AVEN: variants seen among roughly 807,000 people sequenced by gnomAD.
AVEN encodes the protein apoptosis and caspase activation inhibitor.
Under a neutral mutation model 38.1 loss-of-function variants are expected in AVEN, and 41 were observed. The observed-to-expected ratio is 1.08, with a 90% CI of 0.84 to 1.40. The LOEUF (loss-of-function observed/expected upper bound fraction) is 1.40. AVEN is among the 40% of genes most tolerant of loss of function. AVEN has a pLI of 0.00. For synonymous variants in AVEN, 206 were observed against 171.8 expected (o/e 1.20, Z -1.56); for missense variants, 605 against 438.8 (o/e 1.38, Z -3.38).
At chr15:34,010,416 A>G (rs1897587340) in intron 1 of AVEN, among the ~76,000 whole-genome samples, 1 of 152,214 alleles carries the variant, frequency 6.6e-6, no homozygotes, top group African/African-American at 2.4e-5. Context: ...AAATTTCAGA[A>G]GTTATTAATA....
At chr15:33,897,423 C>T (rs1404670300) in intron 2 of AVEN, among the ~76,000 whole-genome samples, 1 of 152,076 alleles carries the variant, frequency 6.6e-6, no homozygotes, top group East Asian at 2.0e-4. Context: ...TCAGCCTCCA[C>T]CATGCCTGGC....
intron 1 of AVEN, among the ~76,000 whole-genome samples, chr15:34,014,216 T>A (rs1180647145): frequency 6.6e-6 from 1 of 151,646 alleles, no homozygotes; most frequent in Non-Finnish European, 1.5e-5. Flanking sequence ...TATGAAAAAT[T>A]AGCCAGGCGT....
intron 2 of AVEN, among the ~76,000 whole-genome samples, chr15:34,069,225 GC>G (rs1479238178): frequency 1.3e-5 from 2 of 152,050 alleles, no homozygotes; most frequent in Non-Finnish European, 2.9e-5. Context: ...TTTGAGACCA[GC>G]CTGACCAACA....
chr15:34,016,296 A>C (rs890212628), intron 1 of AVEN, among the ~76,000 whole-genome samples: 16 of 152,242 alleles, frequency 1.1e-4, no homozygotes, highest in Non-Finnish European at 2.1e-4. Flanking sequence ...CTGCATTAGA[A>C]TGAAGTGCAC....
chr15:33,867,162 C>T (rs992714595), intron 5 of AVEN, among the ~76,000 whole-genome samples: 2 of 152,196 alleles, frequency 1.3e-5, no homozygotes, highest in African/African-American at 4.8e-5. Flanking sequence ...AAGAGGTGGC[C>T]TGTCAGTCGA....
chr15:33,861,168 G>A, intron 11 of AVEN: 1 of 1,587,390 alleles, frequency 6.3e-7, no homozygotes, highest in African/African-American at 1.3e-5. Context: ...GCACAACTTA[G>A]CCAACTACTT....
intron 2 of AVEN, among the ~76,000 whole-genome samples, chr15:33,929,290 G>T (rs895041647): frequency 6.6e-6 from 1 of 152,154 alleles, no homozygotes; most frequent in Non-Finnish European, 1.5e-5. Flanking sequence ...GTTATCCGCT[G>T]AGGCATATAA....
In AVEN at chr15:33,961,614, C is replaced by T. The variant is rs1024870578; in HGVS notation, c.445+41418G>A. ...GAATCACGAGGTCAGGAGATCGAGA[C>T]CATTCTGGCTAACACGGTGAAACCC... On this transcript the variant is annotated intron_variant, in intron 2 of 5. Transcript: ENST00000306730. Among the ~76,000 whole-genome samples the T allele has an allele frequency of 2.1e-3, 323 of 151,582 alleles. 4 individuals carry two copies. Among genetic ancestry groups the T allele is most frequent in the African/African-American group, 6.2e-3 (256 of 41,308 alleles).
chr15:33,853,600 G>C, the AVEN span: 107 of 1,613,860 alleles, frequency 6.6e-5, no homozygotes, highest in Non-Finnish European at 8.2e-5. Context: ...ACGCATTGCT[G>C]AACTTCTGGG....
chr15:33,946,765 G>A (rs1274734642), intron 2 of AVEN, among the ~76,000 whole-genome samples: 1 of 152,246 alleles, frequency 6.6e-6, no homozygotes, highest in African/African-American at 2.4e-5. Flanking sequence ...CATAATTAAA[G>A]AGGGTACAGC....
At chr15:33,987,924 C>T (rs639860) in intron 2 of AVEN, among the ~76,000 whole-genome samples, 142,422 of 152,234 alleles carry the variant, frequency 0.94, 67,221 homozygotes, top group Non-Finnish European at 1. Flanking sequence ...GTTATGGCCA[C>T]ACAGACCCAC....
chr15:34,074,950 G>A (rs539003168), exon 1 of AVEN, among the ~76,000 whole-genome samples: 1 of 152,138 alleles, frequency 6.6e-6, no homozygotes, highest in East Asian at 1.9e-4. Flanking sequence ...AGGCCGAGGA[G>A]GGCAGATCAT....
chr15:33,860,254 A>C (rs2080197858), intron 11 of AVEN, among the ~76,000 whole-genome samples: 1 of 152,220 alleles, frequency 6.6e-6, no homozygotes, highest in African/African-American at 2.4e-5. Flanking sequence ...GATCCACCTC[A>C]GTGTCAGAGG....
intron 2 of AVEN, among the ~76,000 whole-genome samples, chr15:33,993,304 C>T (rs1896803965): frequency 6.6e-6 from 1 of 152,202 alleles, no homozygotes; most frequent in African/African-American, 2.4e-5. Flanking sequence ...GCATGATTAT[C>T]TCTTTCAGAG....
chr15:34,018,220 T>A (rs2702319), intron 1 of AVEN: 143,215 of 152,298 alleles, frequency 0.94, 67,956 homozygotes, highest in East Asian at 1. Context: ...GACCCTAAAG[T>A]CCTTCCAGTG....
intron 2 of AVEN, among the ~76,000 whole-genome samples, chr15:33,978,006 AAGGGAGGG>A (rs139136537): frequency 1.5e-5 from 2 of 137,170 alleles, no homozygotes; most frequent in African/African-American, 2.6e-5. Flanking sequence ...GGAAGAGAGG[AAGGGAGGG>A]AGGGAGGGAG....
chr15:33,919,556 A>G (rs879720786), intron 2 of AVEN, among the ~76,000 whole-genome samples: 5 of 152,216 alleles, frequency 3.3e-5, no homozygotes, highest in Non-Finnish European at 7.3e-5. Context: ...TCTCAGTGGA[A>G]TATCAATCCC....
At chr15:33,941,749 G>A (rs1365004015) in intron 2 of AVEN, among the ~76,000 whole-genome samples, 2 of 152,090 alleles carry the variant, frequency 1.3e-5, no homozygotes, top group African/African-American at 2.4e-5. Flanking sequence ...TAGAACTTAT[G>A]GGACAATAGT....
At chr15:34,018,602 C>G (rs1898060901) in intron 1 of AVEN, 4 of 152,218 alleles carry the variant, frequency 2.6e-5, no homozygotes, top group African/African-American at 9.7e-5. Context: ...TAGTGCAGAC[C>G]CAAAGAGTGT....
Sources: allele counts gnomAD v4.1 joint callset (sites outside exome capture counted in the v4.1 genomes callset), GRCh38; gene constraint gnomAD v4.1.1; transcripts MANE v1.5; gene names NCBI Gene and HGNC (gene_info 2026-07-23, HGNC 2026-07-21).